LAMB1: variants seen among roughly 807,000 people sequenced by gnomAD.
LAMB1 encodes the protein laminin subunit beta-1.
In LAMB1, 121 loss-of-function variants were observed where a neutral mutation model predicts 222.3. That is an observed-to-expected ratio of 0.54 (90% confidence interval 0.47 to 0.63). LAMB1 has a LOEUF of 0.63. LAMB1 is among the 30% of genes least tolerant of loss of function. LAMB1 has a pLI of 0.00. For synonymous variants in LAMB1, 794 were observed against 807.2 expected, an observed-to-expected ratio of 0.98 and a Z score of 0.28; for missense variants, 2,172 against 2,240.8, an observed-to-expected ratio of 0.97 and a Z score of 0.62.
chr7:107,974,889 G>T lies in LAMB1; in HGVS notation c.1482+97C>A, dbSNP rs76897103. Reference sequence around the variant, plus strand: ...CTCATGTCTTTTAACACGTACACGTGAGGGTGATCGCAGACTCTACAATGG... The same window carrying T: ...CTCATGTCTTTTAACACGTACACGTTAGGGTGATCGCAGACTCTACAATGG... On this transcript the variant is annotated intron_variant, in intron 12 of 33. Coordinates refer to ENST00000222399, the MANE Select transcript of LAMB1 (RefSeq NM_002291.3). 17,694 of 736,340 alleles carry T rather than the reference G, an allele frequency of 0.024. 325 individuals carry two copies. Among genetic ancestry groups the T allele is most frequent in the East Asian group, 0.074 (2,989 of 40,488 alleles). The allele number at this position is 736,340 out of a possible 1,614,324, so 45.6% of individuals were successfully genotyped here.
At chr7:107,979,306 G>C (rs1167536368) in intron 8 of LAMB1, among the ~76,000 whole-genome samples, 1 of 152,184 alleles carries the variant, frequency 6.6e-6, no homozygotes. Context: ...TAAAGGGAAG[G>C]CAGAAGTTTT....
intron 5 of LAMB1, among the ~76,000 whole-genome samples, chr7:107,991,473 G>C (rs892924883): frequency 2.0e-5 from 3 of 151,956 alleles, no homozygotes; most frequent in Non-Finnish European, 4.4e-5. Context: ...TGTAATCCCA[G>C]CTACTTGGGG....
Position 107,951,303 on chromosome 7 carries a change from C to A in LAMB1, c.3314G>T (p.Cys1105Phe), listed in dbSNP as rs775115182. The stretch of plus-strand genomic sequence containing the variant: ...GGTGCGGCCTCCAAACCCAGGCATG[C>A]ACTGGCACTGCCCCGTGAACTGCGG... ...SCNEFTGQCQ[C>F]MPGFGGRTCS... The change falls in exon 24 of 34, where the codon TGC becomes TTC. Residue 1105 changes from cysteine (C) to phenylalanine (F), a missense_variant. By Grantham distance (205) the Cys-to-Phe change is radical. Coordinates refer to ENST00000222399, the MANE Select transcript of LAMB1 (RefSeq NM_002291.3). The A allele has an allele frequency of 2.5e-6, 4 of 1,614,140 alleles. No homozygotes were observed. Among genetic ancestry groups the A allele is most frequent in the Non-Finnish European group, 3.4e-6 (4 of 1,180,008 alleles).
At position 107,955,490 on chromosome 7, in the gene LAMB1, C is replaced by G. The variant is rs148638222; in HGVS notation, c.2831G>C (p.Cys944Ser). Residue 944 changes from cysteine (C) to serine (S), a missense_variant, in exon 21 of 34, where the codon TGT becomes TCT. Coordinates refer to ENST00000222399, the MANE Select transcript of LAMB1 (RefSeq NM_002291.3). ...YQDPVTLQLA[C>S]VCDPGYIGSR... Reference sequence around the variant, plus strand: ...ACCAATGTATCCAGGATCACAAACACAGGCAAGCTGTAAAGTAACAGGATC... The same window carrying G: ...ACCAATGTATCCAGGATCACAAACAGAGGCAAGCTGTAAAGTAACAGGATC... The G allele has an allele frequency of 1.2e-6, 2 of 1,614,006 alleles. No individual in the cohort carries two copies. Among genetic ancestry groups the G allele is most frequent in the South Asian group, 1.1e-5 (1 of 91,050 alleles).
intron 8 of LAMB1, among the ~76,000 whole-genome samples, chr7:107,980,072 G>A (rs533592377): frequency 6.6e-6 from 1 of 152,208 alleles, no homozygotes; most frequent in African/African-American, 2.4e-5. Flanking sequence ...GCCAGACATG[G>A]TGGTGTGGGC....
chr7:107,974,987 A>C lies in LAMB1; in HGVS notation c.1481T>G (p.Leu494Arg), dbSNP rs1328539454. 11 of 1,563,078 alleles carry C rather than the reference A, an allele frequency of 7.0e-6. No individual in the cohort carries two copies. Among genetic ancestry groups the C allele is most frequent in the Middle Eastern group, 1.7e-4 (1 of 6,002 alleles). ...LVTGQHCDQC[L>R]PEHWGLSNDL... ...CCCACGTAATGAGGATTTACTTACC[A>C]GGCACTGGTCACAATGCTGTCCTGT... is the stretch of plus-strand genomic sequence containing the variant. Residue 494 changes from leucine to arginine, a missense_variant and splice_region_variant, in exon 12 of 34, where the codon CTG becomes CGG. Transcript: ENST00000222399.
At chr7:107,995,133 G>A (rs2150453334) in intron 4 of LAMB1, among the ~76,000 whole-genome samples, 173 bp from the exon 5 acceptor site, 1 of 152,302 alleles carries the variant, frequency 6.6e-6, no homozygotes, top group African/African-American at 2.4e-5. Context: ...TTATTTAGGT[G>A]GTAAAGCACA....
Position 107,931,342 on chromosome 7 carries a change from A to G in LAMB1, c.4537+14T>C. The stretch of plus-strand genomic sequence containing the variant: ...GAAACAAATGTCTAAAAGTAAAATG[A>G]AAAAATTTCTTACGGGTCAAAAAGT... On this transcript the variant is annotated intron_variant, in intron 29 of 33. Coordinates refer to ENST00000222399, the MANE Select transcript of LAMB1 (RefSeq NM_002291.3). 6.2e-7 allele frequency: 1 copy of G among 1,607,732 alleles called. No homozygotes were observed. Among genetic ancestry groups the G allele is most frequent in the African/African-American group, 1.3e-5 (1 of 74,620 alleles).
intron 2 of LAMB1, chr7:108,002,104 C>T (rs1425764949): frequency 4.1e-6 from 6 of 1,476,506 alleles, no homozygotes; most frequent in Non-Finnish European, 4.5e-6. Context: ...CGCAGGGAGG[C>T]TGACCCCCAA....
At chr7:107,927,246 T>C (rs2032587480) in intron 31 of LAMB1, among the ~76,000 whole-genome samples, 1 of 152,236 alleles carries the variant, frequency 6.6e-6, no homozygotes, top group African/African-American at 2.4e-5. Flanking sequence ...TCTTAGAAGA[T>C]AAAGTTTGAG....
chr7:107,984,737 A>C (rs980371763), intron 7 of LAMB1, among the ~76,000 whole-genome samples: 2 of 152,224 alleles, frequency 1.3e-5, no homozygotes, highest in African/African-American at 4.8e-5. Flanking sequence ...TGAATTGCAG[A>C]TAAACAACTA....
chr7:107,963,152 ATTC>A, intron 14 of LAMB1, 89 bp from the exon 15 acceptor site: 4 of 1,269,460 alleles, frequency 3.2e-6, no homozygotes, highest in Admixed American at 4.5e-5. Context: ...TCACCCAAAG[ATTC>A]AAAAAGGGTG....
At position 107,975,296 on chromosome 7, in the gene LAMB1, T is replaced by A. The variant is rs145224507; in HGVS notation, c.1307A>T (p.His436Leu). 1 of 1,614,136 alleles carries A rather than the reference T, an allele frequency of 6.2e-7. No individual in the cohort carries two copies. The highest frequency in any genetic ancestry group is 8.5e-7 in the Non-Finnish European group (1 of 1,179,992). ...GAAGCCTTCTTTGCAAACATCACAATGTTCTCCTTCCACATTTAATTTACA... is the reference window on the plus strand; with the variant it reads ...GAAGCCTTCTTTGCAAACATCACAAAGTTCTCCTTCCACATTTAATTTACA... ...CRCKLNVEGE[H>L]CDVCKEGFYD... The change falls in exon 11 of 34, where the codon CAT (histidine) becomes CTT (leucine). Residue 436 changes from histidine (H) to leucine (L), a missense_variant. Physicochemically the swap from His to Leu is moderately conservative, Grantham distance 99 (BLOSUM62 -3). Transcript: ENST00000222399.
At position 107,951,137 on chromosome 7, in the gene LAMB1, CTG is replaced by C. The variant is rs1002596726; in HGVS notation, c.3391+87_3391+88del. 35 of 887,400 alleles carry C rather than the reference CTG, an allele frequency of 3.9e-5. No individual in the cohort carries two copies. The African/African-American group carries it at 5.9e-4, about 15-fold the overall frequency. The allele number at this position is 887,400 out of a possible 1,614,324, so 55.0% of individuals were successfully genotyped here. On this transcript the variant is annotated intron_variant, in intron 24 of 33. Transcript: ENST00000222399. ...GTTCTTATAGACACGTTAATTTGTA[CTG>C]TGTTTTATAATTTACAGAAGGCTCT... is the stretch of plus-strand genomic sequence containing the variant.
chr7:107,955,688 C>A, intron 20 of LAMB1, 58 bp from the exon 21 acceptor site: 1 of 1,490,544 alleles, frequency 6.7e-7, no homozygotes, highest in African/African-American at 1.4e-5. Flanking sequence ...AAACCTGTTC[C>A]AAGGAAAGTC....
At chr7:107,995,672 A>G (rs1032284401) in intron 4 of LAMB1, among the ~76,000 whole-genome samples, 1 of 152,196 alleles carries the variant, frequency 6.6e-6, no homozygotes, top group African/African-American at 2.4e-5. Flanking sequence ...GTCTCACTTA[A>G]ACACGTTAAA....
rs763427519 is a variant in LAMB1 at position 107,959,812 on chromosome 7, A to T, written c.2337T>A (p.Gly779=). The change falls in exon 19 of 34, where the codon GGT becomes GGA. Residue 779 remains glycine, a synonymous_variant. Transcript: ENST00000222399. ...TGGGATCACACACGGAACTTAACGA[A>T]CCCTGAGGGTCGCATTCACAAGCTG... is the stretch of plus-strand genomic sequence containing the variant. ...TGLACECDPQ[G]SLSSVCDPNG... 6.2e-7 allele frequency: 1 copy of T among 1,613,490 alleles called. No homozygotes were observed.
chr7:107,924,171 A>C (rs1296530386), intron 33 of LAMB1, 59 bp downstream of exon 33: 4 of 1,546,970 alleles, frequency 2.6e-6, no homozygotes, highest in Non-Finnish European at 3.5e-6. Flanking sequence ...TTTCACTTTT[A>C]AATAAACTAT....
In LAMB1 at chr7:107,947,467, T is replaced by C. The variant is rs118040158; in HGVS notation, c.3391+3759A>G. Among the ~76,000 whole-genome samples, 1,108 of 152,344 alleles carry C rather than the reference T, an allele frequency of 7.3e-3. 8 individuals are homozygous for C. Among genetic ancestry groups the C allele is most frequent in the Non-Finnish European group, 8.7e-3 (592 of 68,034 alleles). ...TGACACCTCTTCTTGTCCCTGCTGA[T>C]CTCTGGGCCCATCCCTTCAGAAAGC... On this transcript the variant is annotated intron_variant, in intron 24 of 33. Transcript: ENST00000222399.
Sources: allele counts gnomAD v4.1 joint callset (sites outside exome capture counted in the v4.1 genomes callset), GRCh38; gene constraint gnomAD v4.1.1; transcripts MANE v1.5; gene names NCBI Gene and HGNC (gene_info 2026-07-23, HGNC 2026-07-21).